MED15: variants seen among roughly 807,000 people sequenced by gnomAD.
MED15 encodes mediator of RNA polymerase II transcription subunit 15.
A neutral mutation model predicts 118.7 loss-of-function variants in MED15; 41 were observed. The observed-to-expected ratio is 0.35, with a 90% CI of 0.27 to 0.45. The LOEUF (loss-of-function observed/expected upper bound fraction) is 0.45, where lower values mean the gene tolerates loss of function less well. Ranked by LOEUF, MED15 falls within the 20% of genes least tolerant of loss-of-function variation. The probability of loss-of-function intolerance (pLI) is 1.00; values close to 1 mark genes in which losing one functional copy is unlikely to be tolerated. For synonymous variants in MED15, 436 were observed against 413.9 expected (o/e 1.05, Z -0.65); for missense variants, 740 against 1,025.5 (o/e 0.72, Z 3.80).
At position 20,585,293 on chromosome 22, in the gene MED15, G is replaced by C. The variant is rs1353429178; in HGVS notation, c.2131+26G>C. 2.5e-6 allele frequency: 4 copies of C among 1,607,216 alleles called. No individual in the cohort carries two copies. The African/African-American group carries it at 5.3e-5, about 21-fold the overall frequency. On this transcript the variant is annotated intron_variant, in intron 16 of 17. Coordinates refer to ENST00000263205, the MANE Select transcript of MED15 (RefSeq NM_001003891.3). ...GTGAGTGTCCAGAGGGCCGGGACTGGTGTGGGAAAGCAGGCCCTGACCGCA... is the reference window on the plus strand; with the variant it reads ...GTGAGTGTCCAGAGGGCCGGGACTGCTGTGGGAAAGCAGGCCCTGACCGCA...
intron 4 of MED15, 174 bp from the exon 5 acceptor site, chr22:20,554,762 C>G (rs2055922898): frequency 1.6e-6 from 1 of 618,056 alleles, no homozygotes; most frequent in Non-Finnish European, 2.8e-6. Flanking sequence ...CACCTGGCGT[C>G]CTAGCCATTC....
At chr22:20,555,287 T>C in intron 5 of MED15, 139 bp downstream of exon 5, 1 of 1,003,318 alleles carries the variant, frequency 1.0e-6, no homozygotes, top group Non-Finnish European at 1.4e-6. Flanking sequence ...TAAATCTTTG[T>C]TGTATGTGGA....
intron 1 of MED15, among the ~76,000 whole-genome samples, chr22:20,518,706 T>C (rs904143043): frequency 6.6e-6 from 1 of 152,202 alleles, no homozygotes; most frequent in Non-Finnish European, 1.5e-5. Flanking sequence ...ATAATAATTA[T>C]ATGTAGGGTT....
chr22:20,528,146 T>C (rs1032271073), intron 1 of MED15, among the ~76,000 whole-genome samples: 2 of 152,156 alleles, frequency 1.3e-5, no homozygotes, highest in African/African-American at 4.8e-5. Flanking sequence ...GGCCATGTTA[T>C]GGCGTCTGGC....
At chr22:20,575,548 C>G (rs2056798123) in intron 9 of MED15, among the ~76,000 whole-genome samples, 1 of 152,018 alleles carries the variant, frequency 6.6e-6, no homozygotes, top group Admixed American at 6.6e-5. Flanking sequence ...AGTGTAGCCA[C>G]TAAGCATGTG....
At chr22:20,560,560 GC>G (rs767447694) in intron 5 of MED15, among the ~76,000 whole-genome samples, 1 of 152,112 alleles carries the variant, frequency 6.6e-6, no homozygotes, top group Non-Finnish European at 1.5e-5. Flanking sequence ...TCCGCGCCTG[GC>G]CTATTATTAT....
chr22:20,562,222 A>T (rs1230030338), intron 5 of MED15, among the ~76,000 whole-genome samples: 1 of 152,204 alleles, frequency 6.6e-6, no homozygotes, highest in Admixed American at 6.5e-5. Context: ...CTTCAATTAC[A>T]TCTCTTTGTT....
rs560141910 is a variant in MED15, at chr22:20,527,968, A to G, written c.69-9149A>G. 1.8e-4 allele frequency among the ~76,000 whole-genome samples: 27 copies of G among 152,022 alleles called. No individual in the cohort carries two copies. In the East Asian group the frequency reaches 2.7e-3, roughly 15 times the overall value. On this transcript the variant is annotated intron_variant, in intron 1 of 17. Transcript: ENST00000263205. ...CTAGACTCCGTCTCAAAAAAAAAAAAAAAAAAAATCAAACTCCTGACCTCA... is the reference window on the plus strand; with the variant it reads ...CTAGACTCCGTCTCAAAAAAAAAAAGAAAAAAAATCAAACTCCTGACCTCA...
chr22:20,523,633 C>T (rs958052610), intron 1 of MED15: 15 of 985,064 alleles, frequency 1.5e-5, no homozygotes, highest in Non-Finnish European at 1.8e-5. Context: ...TGGCAGATCT[C>T]CTCCTTGCCA....
At chr22:20,566,030 CT>C (rs555771579) in intron 6 of MED15, among the ~76,000 whole-genome samples, 5,680 of 119,494 alleles carry the variant, frequency 0.048, 322 homozygotes, top group African/African-American at 0.15. Context: ...CCAGGAAGGC[CT>C]TTTTTTTTTT....
rs2057163312 is a variant in MED15, at chr22:20,587,301, G to C, written c.*597G>C. On this transcript the variant is annotated 3_prime_UTR_variant, in exon 18 of 18. Coordinates refer to ENST00000263205, the MANE Select transcript of MED15 (RefSeq NM_001003891.3). ...GGGCCTCAGCCCTCACGGCATTCCT[G>C]CTGAGCACCGTGGGGCACCCAGGGA... 6.4e-6 allele frequency: 1 copy of C among 157,474 alleles called. No individual in the cohort carries two copies. The highest frequency in any genetic ancestry group is 6.0e-5 in the Admixed American group (1 of 16,616). 9.8% of individuals were successfully genotyped at this position (157,474 alleles called of 1,614,324 possible). A position where few individuals can be genotyped will look rare whatever the true frequency, so the allele number is the denominator to read the frequency against.
chr22:20,554,892 TG>T lies in MED15; in HGVS notation c.239-42del, dbSNP rs759429388. On this transcript the variant is annotated intron_variant, in intron 4 of 17. Transcript: ENST00000263205. ...TACGCCCTTTGAGCCATGGTCAGTCTGGTAGGCCCTTTCCTGAGAAGCTCTG... is the reference window on the plus strand; with the variant it reads ...TACGCCCTTTGAGCCATGGTCAGTCTGTAGGCCCTTTCCTGAGAAGCTCTG... 3 of 1,543,550 alleles carry T rather than the reference TG, an allele frequency of 1.9e-6. No individual in the cohort carries two copies. The South Asian group carries it at 3.6e-5, about 19-fold the overall frequency.
rs986423973 is a variant in MED15, at chr22:20,507,646, C to G, written c.-33C>G. ...TGAGGCGGCGGCGGTGGCGGCCAAG[C>G]GGGATACGGGCGGCGGGAGCTGGGG... On this transcript the variant is annotated 5_prime_UTR_variant, in exon 1 of 18. Coordinates refer to ENST00000263205, the MANE Select transcript of MED15 (RefSeq NM_001003891.3). 3.7e-6 allele frequency: 6 copies of G among 1,613,260 alleles called. No individual in the cohort carries two copies. In the African/African-American group the frequency reaches 4.0e-5, roughly 11 times the overall value.
intron 1 of MED15, among the ~76,000 whole-genome samples, chr22:20,535,947 G>T (rs9612228): frequency 7.6e-4 from 108 of 142,262 alleles, no homozygotes; most frequent in Non-Finnish European, 1.1e-3. Context: ...GCGCAATCTC[G>T]GCTCACTGCA....
chr22:20,530,353 T>A (rs2054808149), intron 1 of MED15, among the ~76,000 whole-genome samples: 1 of 152,158 alleles, frequency 6.6e-6, no homozygotes, highest in Admixed American at 6.5e-5. Flanking sequence ...ATTAGAAAAT[T>A]AGAAGAAACT....
At chr22:20,545,392 T>G (rs2055486246) in intron 2 of MED15, among the ~76,000 whole-genome samples, 2 of 144,816 alleles carry the variant, frequency 1.4e-5, no homozygotes, top group South Asian at 4.2e-4. Flanking sequence ...GGCAGGAGAA[T>G]CACTTGAACC....
chr22:20,575,246 A>G lies in MED15; in HGVS notation c.1272+14A>G. The G allele has an allele frequency of 6.2e-7, 1 of 1,612,468 alleles. No homozygotes were observed. The highest frequency in any genetic ancestry group is 1.1e-5 in the South Asian group (1 of 91,078). The stretch of plus-strand genomic sequence containing the variant: ...CCCATGGCACAGGTATTTACGGGGC[A>G]GCGCCCAGGGCACGGCTGGGAGCTC... On this transcript the variant is annotated intron_variant, in intron 9 of 17. Coordinates refer to ENST00000263205, the MANE Select transcript of MED15 (RefSeq NM_001003891.3).
At chr22:20,517,117 T>G (rs1040908651) in intron 1 of MED15, among the ~76,000 whole-genome samples, 2 of 151,930 alleles carry the variant, frequency 1.3e-5, no homozygotes, top group South Asian at 4.2e-4. Flanking sequence ...TTTTTTTTTT[T>G]GGTAGAGACC....
At chr22:20,558,169 A>G (rs987709224) in intron 5 of MED15, among the ~76,000 whole-genome samples, 1 of 152,182 alleles carries the variant, frequency 6.6e-6, no homozygotes, top group African/African-American at 2.4e-5. Flanking sequence ...CCTTTGTCAG[A>G]GGCCAACTCT....
Sources: gnomAD v4.1 joint callset for allele counts (sites outside exome capture counted in the v4.1 genomes callset) on GRCh38, gnomAD v4.1.1 for gene constraint, MANE v1.5 for transcripts, NCBI Gene and HGNC (gene_info 2026-07-23, HGNC 2026-07-21) for gene names.